SHANK2: variants seen among roughly 807,000 people sequenced by gnomAD.
SHANK2 encodes SH3 and multiple ankyrin repeat domains 2, also known as SH3 and multiple ankyrin repeat domains protein 2.
A neutral mutation model predicts 133.7 loss-of-function variants in SHANK2; 43 were observed. The ratio of observed to expected loss-of-function variants is 0.32; its 90% CI spans 0.25 to 0.41. The LOEUF (loss-of-function observed/expected upper bound fraction) is 0.41. SHANK2 is among the 10% of genes least tolerant of loss of function. The pLI is 1.00. For missense variants in SHANK2, 1,994 were observed against 2,235.8 expected, an observed-to-expected ratio of 0.89 and a Z score of 2.18; for synonymous variants, 1,017 against 952.8, an observed-to-expected ratio of 1.07 and a Z score of -1.24.
intron 2 of SHANK2, among the ~76,000 whole-genome samples, chr11:71,155,119 G>A (rs1952878360): frequency 1.7e-5 from 2 of 118,892 alleles, no homozygotes; most frequent in East Asian, 2.7e-4. Flanking sequence ...CCCGGAGGAG[G>A]GGTGGACCTA....
chr11:70,638,997 C>CA (rs1243853959), intron 17 of SHANK2, among the ~76,000 whole-genome samples: 4 of 149,080 alleles, frequency 2.7e-5, no homozygotes, highest in African/African-American at 9.9e-5. Flanking sequence ...GACTCCATCT[C>CA]AAAAAAACAA....
intron 5 of SHANK2, among the ~76,000 whole-genome samples, chr11:71,110,759 G>A (rs1217164334): frequency 6.6e-6 from 1 of 152,158 alleles, no homozygotes; most frequent in African/African-American, 2.4e-5. Context: ...AAGTACAATC[G>A]GCCTATCCTG....
intron 6 of SHANK2, among the ~76,000 whole-genome samples, chr11:71,106,026 T>C (rs1052304963): frequency 2.8e-4 from 42 of 152,240 alleles, no homozygotes; most frequent in African/African-American, 9.9e-4. Context: ...GGTTCACTGA[T>C]TGTAACAGAT....
chr11:70,876,588 TACACACACAC>T (rs3064230), intron 11 of SHANK2, among the ~76,000 whole-genome samples: 4 of 135,460 alleles, frequency 3.0e-5, no homozygotes, highest in Admixed American at 7.4e-5. Flanking sequence ...AAAAAAATTA[TACACACACAC>T]ACACACACAC....
intron 8 of SHANK2, among the ~76,000 whole-genome samples, chr11:71,079,767 AAAGAAAGAGAGAGT>A (rs1430485168): frequency 2.7e-5 from 4 of 148,264 alleles, no homozygotes; most frequent in African/African-American, 7.5e-5. Context: ...GAAAAGAGAG[AAAGAAAGAGAGAGT>A]AAGAAAGAGA....
At chr11:70,945,395 C>T (rs903043532) in intron 10 of SHANK2, among the ~76,000 whole-genome samples, 3 of 152,120 alleles carry the variant, frequency 2.0e-5, no homozygotes, top group Non-Finnish European at 4.4e-5. Context: ...CCAGCCTGGT[C>T]GTGGTTCCTC....
chr11:70,585,742 T>C (rs2060240553), intron 17 of SHANK2, among the ~76,000 whole-genome samples: 2 of 151,468 alleles, frequency 1.3e-5, no homozygotes, highest in Non-Finnish European at 2.9e-5. Flanking sequence ...CAACTAGCCA[T>C]CCATCCATCC....
intron 1 of SHANK2, among the ~76,000 whole-genome samples, chr11:71,225,765 G>A (rs963607674): frequency 1.3e-5 from 2 of 152,186 alleles, no homozygotes; most frequent in Non-Finnish European, 2.9e-5. Flanking sequence ...AGAAACAGAT[G>A]AAATAACAGA....
intron 14 of SHANK2, among the ~76,000 whole-genome samples, chr11:70,726,402 A>C (rs1946181671): frequency 7.0e-6 from 1 of 142,216 alleles, no homozygotes; most frequent in African/African-American, 2.6e-5. Context: ...TGGAGCTCAC[A>C]TGCCAGGCTC....
intron 10 of SHANK2, among the ~76,000 whole-genome samples, chr11:70,898,007 G>C (rs1222424563): frequency 7.0e-6 from 1 of 142,610 alleles, no homozygotes; most frequent in African/African-American, 2.6e-5. Context: ...CTGTCATCCA[G>C]GCTGGAGTGC....
intron 13 of SHANK2, among the ~76,000 whole-genome samples, chr11:70,805,781 A>T (rs1336327145): frequency 6.6e-6 from 1 of 152,270 alleles, no homozygotes; most frequent in East Asian, 1.9e-4. Context: ...ATGATTTATG[A>T]AATTATAAAA....
intron 17 of SHANK2, among the ~76,000 whole-genome samples, chr11:70,574,340 C>T (rs113406771): frequency 1.2e-3 from 190 of 152,362 alleles, no homozygotes; most frequent in African/African-American, 4.4e-3. Context: ...AAATTCCCCA[C>T]CTTCCCCACT....
At position 70,894,677 on chromosome 11, in the gene SHANK2, AGGGTAGCCCAATG is replaced by A. The variant is rs1239243386; in HGVS notation, c.1174+1811_1174+1823del. Among the ~76,000 whole-genome samples the A allele has an allele frequency of 2.0e-5, 3 of 152,134 alleles. No homozygotes were observed. The East Asian group carries it at 5.8e-4, about 29-fold the overall frequency. On this transcript the variant is annotated intron_variant, in intron 11 of 25. Transcript: ENST00000601538. Reference sequence around the variant, plus strand: ...CCTCTTTGCAGTGCAGGCCCCAGTGAGGGTAGCCCAATGGGGTAGCCCTTAGCTTGTTACCATC... The same window carrying A: ...CCTCTTTGCAGTGCAGGCCCCAGTGAGGGTAGCCCTTAGCTTGTTACCATC...
At chr11:70,890,831 G>A (rs1949831224) in intron 11 of SHANK2, among the ~76,000 whole-genome samples, 2 of 151,970 alleles carry the variant, frequency 1.3e-5, no homozygotes, top group African/African-American at 4.8e-5. Context: ...GGGCATGGTG[G>A]CAGGCGCCTG....
chr11:71,214,592 G>A (rs1555119394), intron 2 of SHANK2, among the ~76,000 whole-genome samples: 1 of 152,196 alleles, frequency 6.6e-6, no homozygotes, highest in African/African-American at 2.4e-5. Flanking sequence ...TGTGAAGATG[G>A]GTCTGGCTCA....
intron 6 of SHANK2, among the ~76,000 whole-genome samples, chr11:71,098,906 AACGGG>A (rs1359844951): frequency 2.0e-5 from 3 of 152,016 alleles, no homozygotes; most frequent in Admixed American, 2.0e-4. Flanking sequence ...GAAACAGAAA[AACGGG>A]ACCATCTCTC....
At chr11:71,066,189 T>A in intron 9 of SHANK2, among the ~76,000 whole-genome samples, 1 of 24,666 alleles carries the variant, frequency 4.1e-5, no homozygotes, top group Non-Finnish European at 7.0e-5. Context: ...GAGCAGTGAG[T>A]GGGGAAGTTG....
intron 1 of SHANK2, among the ~76,000 whole-genome samples, chr11:71,247,606 T>C (rs564116889): frequency 8.6e-5 from 13 of 150,754 alleles, no homozygotes; most frequent in African/African-American, 2.9e-4. Flanking sequence ...TCCTGGGGGG[T>C]CTCTGGTGAG....
At chr11:71,104,700 T>A (rs530409114) in intron 6 of SHANK2, among the ~76,000 whole-genome samples, 370 of 152,208 alleles carry the variant, frequency 2.4e-3, no homozygotes, top group Non-Finnish European at 4.3e-3. Context: ...TCCTCACTTT[T>A]CTCTTTTCCC....
Sources: gnomAD v4.1 joint callset for allele counts (sites outside exome capture counted in the v4.1 genomes callset) on GRCh38, gnomAD v4.1.1 for gene constraint, MANE v1.5 for transcripts, NCBI Gene and HGNC (gene_info 2026-07-23, HGNC 2026-07-21) for gene names.